KDM5C: variants seen among roughly 807,000 people sequenced by gnomAD.
The protein encoded by KDM5C is lysine-specific demethylase 5C.
A neutral mutation model predicts 110.6 loss-of-function variants in KDM5C; 16 were observed. The ratio of observed to expected loss-of-function variants is 0.14; its 90% confidence interval spans 0.10 to 0.22. KDM5C has a LOEUF of 0.22. Among genes scored for constraint, KDM5C ranks in the 10% least tolerant of loss-of-function variants. The pLI is 1.00. For missense variants in KDM5C, 681 were observed against 1,300.9 expected, an observed-to-expected ratio of 0.52 and a Z score of 7.33; for synonymous variants, 511 against 520.4, an observed-to-expected ratio of 0.98 and a Z score of 0.24.
At chrX:53,198,438 G>A in intron 17 of KDM5C, 52 bp downstream of exon 17, 1 of 1,169,283 alleles carries the variant, frequency 8.6e-7, no homozygotes, top group Non-Finnish European at 1.1e-6. Flanking sequence ...CTTTTCCTCG[G>A]TGCTGGATCC....
chrX:53,188,067 A>C (rs1221264905), downstream of KDM5C, among the ~76,000 whole-genome samples: 1 of 111,858 alleles, frequency 8.9e-6, no homozygotes, highest in African/African-American at 3.3e-5. Flanking sequence ...ACAAAAAAAC[A>C]ATTGTCTCAC....
chrX:53,188,594 C>T (rs1177999218), downstream of KDM5C, among the ~76,000 whole-genome samples: 1 of 110,562 alleles, frequency 9.0e-6, no homozygotes, highest in Non-Finnish European at 1.9e-5. Flanking sequence ...AGGTTGGTCT[C>T]GAACTCCTGA....
chrX:53,217,646 G>C (rs2073785000), intron 4 of KDM5C, 150 bp downstream of exon 4: 1 of 621,865 alleles, frequency 1.6e-6, no homozygotes, highest in Non-Finnish European at 2.6e-6. Context: ...CTCTGACCCT[G>C]AGCAGTGTAG....
chrX:53,219,502 G>GC (rs2073841481), intron 2 of KDM5C, among the ~76,000 whole-genome samples: 1 of 112,149 alleles, frequency 8.9e-6, no homozygotes, highest in Non-Finnish European at 1.9e-5. Context: ...TATGTATGAT[G>GC]CTTCCCTGAA....
chrX:53,214,741 GGAGGCAGCA>G lies in KDM5C; in HGVS notation c.1061_1069del (p.Leu354_Pro356del), dbSNP rs1223593309. 1 of 1,210,150 alleles carries G rather than the reference GGAGGCAGCA, an allele frequency of 8.3e-7. No individual in the cohort carries two copies. Among genetic ancestry groups the G allele is most frequent in the African/African-American group, 1.7e-5 (1 of 57,326 alleles). ...GACACCCTTGGGGATCTCAGGCAGA[GGAGGCAGCA>G]GGCAGAAGATGTGGTAGTTGTCATC... is the stretch of plus-strand genomic sequence containing the variant. On this transcript the variant is annotated inframe_deletion, in exon 8 of 26. Transcript: ENST00000375401.
Position 53,192,861 on chromosome X carries a change from A to ACCCGC in KDM5C, c.*105_*106insGCGGG. 2 of 502,012 alleles carry ACCCGC rather than the reference A, an allele frequency of 4.0e-6. No individual in the cohort carries two copies. Among genetic ancestry groups the ACCCGC allele is most frequent in the Non-Finnish European group, 5.8e-6 (2 of 347,655 alleles). 41.4% of individuals were successfully genotyped at this position (502,012 alleles called of 1,213,427 possible). A position where few individuals can be genotyped will look rare whatever the true frequency, so the allele number is the denominator to read the frequency against. ...GGGTGGGCGGGTAGCAGGGATGGCC[A>ACCCGC]CCCCCCTACCCGCCCACCCCCCAAG... On this transcript the variant is annotated 3_prime_UTR_variant, in exon 26 of 26. Coordinates refer to ENST00000375401, the MANE Select transcript of KDM5C (RefSeq NM_004187.5).
intron 25 of KDM5C, among the ~76,000 whole-genome samples, chrX:53,182,122 T>C (rs1481971467): frequency 1.9e-5 from 2 of 107,851 alleles, no homozygotes; most frequent in Non-Finnish European, 3.8e-5. Context: ...TTCGCTCTTG[T>C]TGCCCAGGCT....
intron 2 of KDM5C, chrX:53,218,753 T>C (rs1556853389): frequency 3.3e-6 from 1 of 298,796 alleles, no homozygotes; most frequent in South Asian, 3.2e-5. Context: ...TTTTGTATTT[T>C]TTGTAGCAAT....
At chrX:53,217,427 G>T in intron 4 of KDM5C, 150 bp from the exon 5 acceptor site, 1 of 663,103 alleles carries the variant, frequency 1.5e-6, no homozygotes. Context: ...CTTTAGCACT[G>T]ACACCAGCAC....
intron 25 of KDM5C, among the ~76,000 whole-genome samples, chrX:53,186,180 G>A (rs1276854750): frequency 1.8e-5 from 2 of 111,435 alleles, no homozygotes; most frequent in Admixed American, 1.9e-4. Flanking sequence ...ATCCTGTGGT[G>A]ATTTCTCCAG....
chrX:53,195,514 A>G, intron 20 of KDM5C, 104 bp from the exon 21 acceptor site: 1 of 806,251 alleles, frequency 1.2e-6, no homozygotes, highest in Non-Finnish European at 1.8e-6. Flanking sequence ...CTCAGTCTTG[A>G]GGGATTAAAA....
chrX:53,198,503 C>T lies in KDM5C; in HGVS notation c.2503G>A (p.Gly835Ser), dbSNP rs781782813. ...CVSRALGLVS[G>S]QEAGPHRVAG... ...ACGCTGTCATACCCAGCTTCCTGGC[C>T]GCTGACCAGTCCCAGAGCTCGGGAC... Residue 835 changes from glycine to serine, a missense_variant, in exon 17 of 26, where the codon GGC becomes AGC. This residue lies in a region of KDM5C where 123 missense variants were observed against 169.0 expected (regional missense o/e 0.73). Coordinates refer to ENST00000375401, the MANE Select transcript of KDM5C (RefSeq NM_004187.5). The T allele has an allele frequency of 1.2e-5, 15 of 1,202,542 alleles. No homozygotes were observed. The Admixed American group carries it at 1.3e-4, about 11-fold the overall frequency.
At chrX:53,186,009 G>A (rs1325658039) in intron 25 of KDM5C, among the ~76,000 whole-genome samples, 4 of 111,794 alleles carry the variant, frequency 3.6e-5, no homozygotes, top group Non-Finnish European at 7.5e-5. Context: ...GTACACTGGG[G>A]ACAGGGAAAT....
downstream of KDM5C, among the ~76,000 whole-genome samples, chrX:53,187,001 AG>A (rs1231399216): frequency 2.7e-5 from 3 of 112,250 alleles, no homozygotes; most frequent in African/African-American, 9.7e-5. Flanking sequence ...GCAGAAGAGG[AG>A]CTCAATCAAG....
Position 53,193,787 on chromosome X carries a change from C to G in KDM5C, c.4103G>C (p.Gly1368Ala), listed in dbSNP as rs782261772. 5.0e-6 allele frequency: 6 copies of G among 1,208,640 alleles called. No homozygotes were observed. The highest frequency in any genetic ancestry group is 6.7e-6 in the Non-Finnish European group (6 of 893,808). The change falls in exon 24 of 26, where the codon GGC becomes GCC. Residue 1368 changes from glycine (G) to alanine (A), a missense_variant. Physicochemically the swap from Gly to Ala is moderately conservative, Grantham distance 60. Coordinates refer to ENST00000375401, the MANE Select transcript of KDM5C (RefSeq NM_004187.5). The stretch of plus-strand genomic sequence containing the variant: ...CCTAGACCTACCTCTCTTACCTGAG[C>G]CCTCCTCCGGGGCTACCTTCTCAGG... Reference protein sequence around the residue: ...TSPEKVAPEEGSGKRDLELLS... With the variant: ...TSPEKVAPEEASGKRDLELLS...
Position 53,196,914 on chromosome X carries a change from G to C in KDM5C, c.2753C>G (p.Ala918Gly). 8.3e-7 allele frequency: 1 copy of C among 1,202,230 alleles called. No homozygotes were observed. ...GRQLGVEVPEAQQLQRQVEQA... is the reference protein window; with the variant it reads ...GRQLGVEVPEGQQLQRQVEQA... ...TTCCACCTGCCGCTGGAGCTGCTGG[G>C]CCTCAGGCACCTCCACCCCCAGCTG... Residue 918 changes from alanine to glycine, a missense_variant, in exon 19 of 26, where the codon GCC becomes GGC. Transcript: ENST00000375401.
In KDM5C at chrX:53,217,992, T is replaced by C. The variant is rs1556852893; in HGVS notation, c.352-26A>G. On this transcript the variant is annotated intron_variant, in intron 3 of 25. Coordinates refer to ENST00000375401, the MANE Select transcript of KDM5C (RefSeq NM_004187.5). ...CTGAAAAAACAAGTAGGAAAAGACA[T>C]GGATGTGCCACGTGTATTTATATGT... The C allele has an allele frequency of 2.5e-6, 3 of 1,200,787 alleles. No homozygotes were observed. In the Admixed American group the frequency reaches 6.6e-5, roughly 26 times the overall value.
chrX:53,198,065 G>T (rs782114842), intron 17 of KDM5C, among the ~76,000 whole-genome samples, 189 bp from the exon 18 acceptor site: 18 of 111,921 alleles, frequency 1.6e-4, no homozygotes, highest in South Asian at 1.5e-3. Flanking sequence ...TGAGGGGAAA[G>T]AATTAGAAAC....
At chrX:53,216,227 C>T (rs2073737527) in intron 5 of KDM5C, 30 bp from the exon 6 acceptor site, 5 of 1,207,856 alleles carry the variant, frequency 4.1e-6, no homozygotes, top group Non-Finnish European at 5.6e-6. Context: ...TGAATCAAGA[C>T]TGCTATCTGG....
Sources: allele counts gnomAD v4.1 joint callset (sites outside exome capture counted in the v4.1 genomes callset), GRCh38; gene constraint gnomAD v4.1.1; regional missense constraint gnomAD v4.1.1; transcripts MANE v1.5; gene names NCBI Gene and HGNC (gene_info 2026-07-23, HGNC 2026-07-21).